Variants in TAF4 observed in about 807,000 individuals in gnomAD.
The protein encoded by TAF4 is TATA-box binding protein associated factor 4, also known as transcription initiation factor TFIID subunit 4.
In TAF4, 9 loss-of-function variants were observed where a neutral mutation model predicts 90.3. That is an observed-to-expected ratio of 0.10 (90% confidence interval 0.06 to 0.17). The LOEUF (loss-of-function observed/expected upper bound fraction) is 0.17. Among genes scored for constraint, TAF4 ranks in the 10% least tolerant of loss-of-function variants. The probability of loss-of-function intolerance (pLI) is 1.00; values close to 1 mark genes in which losing one functional copy is unlikely to be tolerated. For synonymous variants in TAF4, 818 were observed against 638.9 expected, an observed-to-expected ratio of 1.28 and a Z score of -4.23; for missense variants, 1,351 against 1,370.7, an observed-to-expected ratio of 0.99 and a Z score of 0.23.
intron 8 of TAF4, 113 bp from the exon 9 acceptor site, chr20:62,003,387 G>A (rs1314003235): frequency 2.3e-6 from 2 of 869,716 alleles, no homozygotes; most frequent in East Asian, 2.5e-5. Context: ...TTAGCTACAA[G>A]AAAGTTTCCA....
At chr20:62,015,315 C>T (rs575437669) in intron 1 of TAF4, among the ~76,000 whole-genome samples, 5 of 152,338 alleles carry the variant, frequency 3.3e-5, no homozygotes, top group South Asian at 4.1e-4. Context: ...ACCATTTGCC[C>T]GTCATGGTTC....
rs550281463 is a variant in TAF4, at chr20:61,999,267, C to T, written c.2788-159G>A. Among the ~76,000 whole-genome samples the T allele has an allele frequency of 7.2e-5, 11 of 152,320 alleles. No individual in the cohort carries two copies. In the East Asian group the frequency reaches 1.4e-3, roughly 19 times the overall value. Reference sequence around the variant, plus strand: ...CCTCCCACCCTGCAAATGCTGCGCCCGAGAGCTCTATCGATGCTCACGTCC... The same window carrying T: ...CCTCCCACCCTGCAAATGCTGCGCCTGAGAGCTCTATCGATGCTCACGTCC... On this transcript the variant is annotated intron_variant, in intron 11 of 14. Coordinates refer to ENST00000252996, the MANE Select transcript of TAF4 (RefSeq NM_003185.4).
At chr20:61,993,962 A>C (rs1051095321) in intron 14 of TAF4, among the ~76,000 whole-genome samples, 5 of 152,136 alleles carry the variant, frequency 3.3e-5, no homozygotes, top group Non-Finnish European at 7.3e-5. Flanking sequence ...CATCTTGGCC[A>C]GGCTGGTCTC....
At chr20:61,985,956 C>T (rs189899340) in intron 14 of TAF4, among the ~76,000 whole-genome samples, 23 of 151,514 alleles carry the variant, frequency 1.5e-4, no homozygotes, top group African/African-American at 4.1e-4. Context: ...CCACCATCCC[C>T]GACCAAAGGA....
At chr20:62,059,960 A>G (rs1358674921) in intron 1 of TAF4, among the ~76,000 whole-genome samples, 2 of 152,262 alleles carry the variant, frequency 1.3e-5, no homozygotes, top group African/African-American at 4.8e-5. Context: ...CACATTATAC[A>G]GTAGAAAAGG....
At chr20:62,063,415 G>C (rs193230420) in intron 1 of TAF4, among the ~76,000 whole-genome samples, 2 of 152,102 alleles carry the variant, frequency 1.3e-5, no homozygotes, top group African/African-American at 4.8e-5. Context: ...GGCCGGGGAG[G>C]AGCTCCCCTG....
intron 14 of TAF4, among the ~76,000 whole-genome samples, chr20:61,991,584 G>A: frequency 1.3e-5 from 2 of 151,964 alleles, no homozygotes; most frequent in Non-Finnish European, 2.9e-5. Context: ...GGGTGAGAGA[G>A]ACCCTGTCTC....
At chr20:61,988,426 A>G (rs1480277870) in intron 14 of TAF4, among the ~76,000 whole-genome samples, 3 of 152,248 alleles carry the variant, frequency 2.0e-5, no homozygotes, top group Non-Finnish European at 4.4e-5. Context: ...AAGGTCTTCA[A>G]TGAACAGTAT....
At chr20:61,979,464 G>A (rs1474160769) in intron 14 of TAF4, among the ~76,000 whole-genome samples, 7 of 149,534 alleles carry the variant, frequency 4.7e-5, no homozygotes, top group Non-Finnish European at 1.0e-4. Flanking sequence ...CCGTGCAGGC[G>A]CCATGGCCAC....
At chr20:62,000,824 G>A (rs992033485) in intron 9 of TAF4, 103 bp from the exon 10 acceptor site, 44 of 1,291,846 alleles carry the variant, frequency 3.4e-5, no homozygotes, top group Middle Eastern at 4.9e-4. Flanking sequence ...GCAGGGCCGT[G>A]AGGAGGCCAG....
At chr20:62,038,148 C>T (rs1325849156) in intron 1 of TAF4, among the ~76,000 whole-genome samples, 2 of 152,128 alleles carry the variant, frequency 1.3e-5, no homozygotes, top group Non-Finnish European at 2.9e-5. Context: ...CCTGCCTCAG[C>T]CTCCAGGTGG....
chr20:62,011,977 C>A (rs2055781255), intron 3 of TAF4: 1 of 152,448 alleles, frequency 6.6e-6, no homozygotes. Flanking sequence ...CGGCCAGCCC[C>A]TTCCCCTCCA....
chr20:62,064,263 C>G, intron 1 of TAF4, 188 bp downstream of exon 1: 2 of 560,032 alleles, frequency 3.6e-6, no homozygotes, highest in Non-Finnish European at 5.4e-6. Flanking sequence ...TGCCGACTCC[C>G]TCTGGCTCAC....
At chr20:62,059,237 G>A (rs1600866546) in intron 1 of TAF4, among the ~76,000 whole-genome samples, 2 of 152,356 alleles carry the variant, frequency 1.3e-5, no homozygotes, top group East Asian at 1.9e-4. Context: ...ACCGCGGACT[G>A]ACCAACAGCG....
At chr20:62,003,937 G>C (rs572290496) in intron 7 of TAF4, 59 bp from the exon 8 acceptor site, 1 of 1,491,834 alleles carries the variant, frequency 6.7e-7, no homozygotes, top group East Asian at 2.4e-5. Flanking sequence ...GGGCCACTCA[G>C]TCCCTAGCAG....
At chr20:62,016,615 C>CTA (rs1358582021) in intron 1 of TAF4, among the ~76,000 whole-genome samples, 4 of 152,200 alleles carry the variant, frequency 2.6e-5, no homozygotes, top group Admixed American at 2.0e-4. Context: ...GTCGGCTTCC[C>CTA]TACTTTTGAG....
chr20:62,006,784 G>A lies in TAF4; in HGVS notation c.1975-26C>T, dbSNP rs747871185. The A allele has an allele frequency of 1.2e-5, 17 of 1,454,060 alleles. No individual in the cohort carries two copies. The highest frequency in any genetic ancestry group is 2.5e-5 in the East Asian group (1 of 39,330). The allele number at this position is 1,454,060 out of a possible 1,614,324, so 90.1% of individuals were successfully genotyped here. A position where few individuals can be genotyped will look rare whatever the true frequency, so the allele number is the denominator to read the frequency against. ...CTGGGTGGAAAGACAGACACGAGGG[G>A]TCAGGCGGCTGCTCATGCGTCGGTT... On this transcript the variant is annotated intron_variant, in intron 6 of 14. Coordinates refer to ENST00000252996, the MANE Select transcript of TAF4 (RefSeq NM_003185.4). This position sits in a 1 kb window ranked among gnomAD's most constrained non-coding sequence, Gnocchi z 7.0.
At chr20:62,022,584 G>A (rs1163269437) in intron 1 of TAF4, among the ~76,000 whole-genome samples, 1 of 152,206 alleles carries the variant, frequency 6.6e-6, no homozygotes, top group Non-Finnish European at 1.5e-5. Context: ...GATGTGGAAA[G>A]GGCCCCTCCA....
intron 1 of TAF4, among the ~76,000 whole-genome samples, chr20:62,049,865 A>C (rs571091982): frequency 7.9e-5 from 12 of 152,114 alleles, no homozygotes; most frequent in Admixed American, 3.9e-4. Flanking sequence ...CACCATCGTC[A>C]CAAAGACTAA....
Sources: allele counts gnomAD v4.1 joint callset (sites outside exome capture counted in the v4.1 genomes callset), GRCh38; gene constraint gnomAD v4.1.1; non-coding constraint Gnocchi (gnomAD v3.1); transcripts MANE v1.5; gene names NCBI Gene and HGNC (gene_info 2026-07-23, HGNC 2026-07-21).